SACS: variants seen among roughly 807,000 people sequenced by gnomAD.
SACS encodes the protein sacsin.
A neutral mutation model predicts 348.0 loss-of-function variants in SACS; 197 were observed. The observed-to-expected ratio is 0.57, with a 90% CI of 0.50 to 0.64. The LOEUF (loss-of-function observed/expected upper bound fraction) is 0.64, where lower values mean the gene tolerates loss of function less well. Among genes scored for constraint, SACS ranks in the 30% least tolerant of loss-of-function variants. SACS has a pLI of 0.00. For synonymous variants in SACS, 1,985 were observed against 1,910.6 expected, an observed-to-expected ratio of 1.04 and a Z score of -1.02; for missense variants, 4,999 against 5,360.8, an observed-to-expected ratio of 0.93 and a Z score of 2.11.
intron 1 of SACS, among the ~76,000 whole-genome samples, chr13:23,420,366 T>A (rs972197552): frequency 2.0e-5 from 3 of 152,018 alleles, no homozygotes; most frequent in Admixed American, 1.3e-4. Flanking sequence ...CTACCTAGAA[T>A]CCAGTGTCTA....
rs1461943208 is a variant in SACS, at chr13:23,341,311, T to G, written c.2565A>C (p.Leu855Phe). 2.5e-6 allele frequency: 4 copies of G among 1,606,864 alleles called. No individual in the cohort carries two copies. The African/African-American group carries it at 5.4e-5, about 22-fold the overall frequency. The change falls in exon 10 of 10, where the codon TTA (leucine) becomes TTC (phenylalanine). Residue 855 changes from leucine (L) to phenylalanine (F), a missense_variant. This residue lies in a region of SACS where 3,156 missense variants were observed against 3,380.1 expected (regional missense o/e 0.93). Coordinates refer to ENST00000382292, the MANE Select transcript of SACS (RefSeq NM_014363.6). ...TAAGCGGATGTTGTATAGATGCATC[T>G]AATTTTTTAAGGACAAACCCTCCAA... is the stretch of plus-strand genomic sequence containing the variant. ...QKLGGFVLKK[L>F]DASIQHPLIK...
At chr13:23,386,917 C>T (rs994944071) in intron 2 of SACS, among the ~76,000 whole-genome samples, 7 of 152,172 alleles carry the variant, frequency 4.6e-5, no homozygotes, top group South Asian at 2.1e-4. Flanking sequence ...GAGAACATAC[C>T]GTTTATCGAT....
intron 9 of SACS, among the ~76,000 whole-genome samples, chr13:23,347,804 T>C (rs1375880118): frequency 1.3e-5 from 2 of 152,036 alleles, no homozygotes; most frequent in Admixed American, 6.5e-5. Context: ...GCCACATGTA[T>C]CACACCTGAG....
chr13:23,364,920 A>G (rs1870968666), intron 6 of SACS, among the ~76,000 whole-genome samples: 1 of 152,228 alleles, frequency 6.6e-6, no homozygotes. Context: ...TTTGAATAGA[A>G]TAAGAGGCTT....
At chr13:23,392,546 G>T (rs1043327335) in intron 2 of SACS, among the ~76,000 whole-genome samples, 2 of 152,136 alleles carry the variant, frequency 1.3e-5, no homozygotes, top group African/African-American at 4.8e-5. Flanking sequence ...GCCTTTTCTC[G>T]AGCACTCATT....
chr13:23,393,580 C>T (rs1872608779), intron 2 of SACS, among the ~76,000 whole-genome samples: 1 of 152,118 alleles, frequency 6.6e-6, no homozygotes, highest in Non-Finnish European at 1.5e-5. Flanking sequence ...TCTGCTCTAC[C>T]ACCTGAATTT....
chr13:23,333,399 T>C lies in SACS; in HGVS notation c.10477A>G (p.Lys3493Glu). Reference sequence around the variant, plus strand: ...TTAAGGTAGATCAAGTGCTCTAATTTTGCATCATAAGAGAGATTTTCAATT... The same window carrying C: ...TTAAGGTAGATCAAGTGCTCTAATTCTGCATCATAAGAGAGATTTTCAATT... ...PKIENLSYDA[K>E]LEHLIYLKNR... The change falls in exon 10 of 10, where the codon AAA becomes GAA. Residue 3493 changes from lysine to glutamate, a missense_variant. Physicochemically the swap from Lys to Glu is moderately conservative, Grantham distance 56. Coordinates refer to ENST00000382292, the MANE Select transcript of SACS (RefSeq NM_014363.6). 1 of 1,606,682 alleles carries C rather than the reference T, an allele frequency of 6.2e-7. No individual in the cohort carries two copies. Among genetic ancestry groups the C allele is most frequent in the Non-Finnish European group, 8.5e-7 (1 of 1,177,298 alleles).
chr13:23,388,549 A>G (rs1201685682), intron 2 of SACS, among the ~76,000 whole-genome samples: 3 of 150,582 alleles, frequency 2.0e-5, no homozygotes, highest in African/African-American at 7.3e-5. Context: ...CATTAAAAAA[A>G]CAAACAAATA....
intron 1 of SACS, among the ~76,000 whole-genome samples, chr13:23,430,442 A>G (rs1049991551): frequency 2.0e-5 from 3 of 152,114 alleles, no homozygotes. Flanking sequence ...TTTCAGATAA[A>G]CCACGAATTA....
intron 2 of SACS, among the ~76,000 whole-genome samples, chr13:23,398,147 C>T (rs184011212): frequency 4.0e-5 from 6 of 151,794 alleles, no homozygotes; most frequent in South Asian, 2.1e-4. Context: ...GCCAAGATCA[C>T]GCCATTGCAC....
chr13:23,363,519 C>T (rs1434934468), intron 6 of SACS, among the ~76,000 whole-genome samples: 2 of 152,218 alleles, frequency 1.3e-5, no homozygotes, highest in Non-Finnish European at 2.9e-5. Context: ...AGCCACCGCA[C>T]CCAGCCCACG....
rs780674369 is a variant in SACS, at chr13:23,331,270, T to G, written c.12606A>C (p.Thr4202=). Residue 4202 remains threonine, a synonymous_variant, in exon 10 of 10, where the codon ACA becomes ACC. Transcript: ENST00000382292. ...DIYGSYQPTY[T]YAIIVQEVER... is the part of the protein sequence containing the mutation. ...CAACTTCTTGTACAATAATTGCATA[T>G]GTGTATGTTGGCTGGTATGATCCAT... The G allele has an allele frequency of 1.2e-5, 20 of 1,613,926 alleles. No homozygotes were observed. Among genetic ancestry groups the G allele is most frequent in the Admixed American group, 1.0e-4 (6 of 60,002 alleles).
rs987743754 is a variant in SACS at position 23,368,648 on chromosome 13, A to G, written c.260-161T>C. On this transcript the variant is annotated intron_variant, in intron 4 of 9. Coordinates refer to ENST00000382292, the MANE Select transcript of SACS (RefSeq NM_014363.6). ...AGAAATCTACCTGACGAAGCAATTC[A>G]GCAGAAAGTAAAGCAGATTCAATTG... 2.6e-5 allele frequency among the ~76,000 whole-genome samples: 4 copies of G among 152,236 alleles called. No individual in the cohort carries two copies. The East Asian group carries it at 7.7e-4, about 29-fold the overall frequency.
At position 23,341,388 on chromosome 13, in the gene SACS, C is replaced by T. The variant is rs571646732; in HGVS notation, c.2488G>A (p.Asp830Asn). 1.5e-5 allele frequency: 24 copies of T among 1,609,442 alleles called. No homozygotes were observed. Among genetic ancestry groups the T allele is most frequent in the Middle Eastern group, 3.3e-4 (2 of 6,036 alleles). Residue 830 changes from aspartate (D) to asparagine (N), a missense_variant, in exon 10 of 10, where the codon GAT (aspartate) becomes AAT (asparagine). Coordinates refer to ENST00000382292, the MANE Select transcript of SACS (RefSeq NM_014363.6). The stretch of plus-strand genomic sequence containing the variant: ...TCTGGAAGCTGTGCTTCAGATTCAT[C>T]GTCTAAAATGACTAACGATGGAATC... ...LRIPSLVILDDESEAQLPEFL... is the reference protein window; with the variant it reads ...LRIPSLVILDNESEAQLPEFL...
intron 2 of SACS, among the ~76,000 whole-genome samples, chr13:23,397,952 G>A (rs978808910): frequency 2.6e-5 from 4 of 152,172 alleles, no homozygotes; most frequent in South Asian, 2.1e-4. Context: ...TACACTTTGG[G>A]AGGCCGAGGT....
At position 23,337,038 on chromosome 13, in the gene SACS, CTT is replaced by C. The variant is rs748765057; in HGVS notation, c.6836_6837del (p.Lys2279ArgfsTer12). The C allele has an allele frequency of 6.2e-7, 1 of 1,613,940 alleles. No individual in the cohort carries two copies. On this transcript the variant is annotated frameshift_variant, in exon 10 of 10. Transcript: ENST00000382292. LOFTEE classifies it high-confidence loss of function. ...RGCGSVSLAV[K>X]EFLGLLKKPT... Reference sequence around the variant, plus strand: ...GGCTTCTTGAGTAATCCCAAAAACTCTTTAACAGCCAATGACACTGAACCACA... The same window carrying C: ...GGCTTCTTGAGTAATCCCAAAAACTCTAACAGCCAATGACACTGAACCACA...
In SACS at chr13:23,337,006, A is replaced by T; in HGVS notation, c.6870T>A (p.Val2290=). ...CTTTCAATTGGTTTATAACCAGATC[A>T]ACTGTTGGCTTCTTGAGTAATCCCA... ...EFLGLLKKPT[V]DLVINQLKEV... is the part of the protein sequence containing the mutation. The change falls in exon 10 of 10, where the codon GTT becomes GTA. Residue 2290 remains valine, a synonymous_variant. Coordinates refer to ENST00000382292, the MANE Select transcript of SACS (RefSeq NM_014363.6). 1 of 1,614,044 alleles carries T rather than the reference A, an allele frequency of 6.2e-7. No individual in the cohort carries two copies. The highest frequency in any genetic ancestry group is 8.5e-7 in the Non-Finnish European group (1 of 1,179,912).
At position 23,329,494 on chromosome 13, in the gene SACS, T is replaced by A; in HGVS notation, c.*642A>T. ...TCATCAAACAGGAAGCCTGTAAACA[T>A]AAGATGTTAAAAAAAAATTTAAATA... On this transcript the variant is annotated 3_prime_UTR_variant, in exon 10 of 10. Coordinates refer to ENST00000382292, the MANE Select transcript of SACS (RefSeq NM_014363.6). 2.7e-6 allele frequency: 2 copies of A among 746,960 alleles called. No individual in the cohort carries two copies. The highest frequency in any genetic ancestry group is 1.5e-5 in the South Asian group (1 of 67,770). The allele number at this position is 746,960 out of a possible 1,614,324, so 46.3% of individuals were successfully genotyped here.
At chr13:23,341,877 C>G (rs1869274929) in intron 9 of SACS, among the ~76,000 whole-genome samples, 187 bp from the exon 10 acceptor site, 1 of 149,886 alleles carries the variant, frequency 6.7e-6, no homozygotes, top group Non-Finnish European at 1.5e-5. Flanking sequence ...AGCTCCGCCT[C>G]CCGGGTTCAC....
Sources: allele counts gnomAD v4.1 joint callset (sites outside exome capture counted in the v4.1 genomes callset), GRCh38; gene constraint gnomAD v4.1.1; regional missense constraint gnomAD v4.1.1; transcripts MANE v1.5; gene names NCBI Gene and HGNC (gene_info 2026-07-23, HGNC 2026-07-21).